Variants in SEMA5B observed in about 807,000 individuals in gnomAD.
SEMA5B encodes semaphorin-5B.
In SEMA5B, 66 loss-of-function variants were observed where a neutral mutation model predicts 135.0. That is an observed-to-expected ratio of 0.49 (90% CI 0.40 to 0.60). The LOEUF (loss-of-function observed/expected upper bound fraction) is 0.60, where lower values mean the gene tolerates loss of function less well. Ranked by LOEUF, SEMA5B falls within the 20% of genes least tolerant of loss-of-function variation. The probability of loss-of-function intolerance (pLI) is 0.00; values close to 1 mark genes in which losing one functional copy is unlikely to be tolerated. For missense variants in SEMA5B, 1,501 were observed against 1,566.3 expected (o/e 0.96, Z 0.70); for synonymous variants, 690 against 639.5 (o/e 1.08, Z -1.19).
Position 122,915,456 on chromosome 3 carries a change from T to C in SEMA5B, c.1972A>G (p.Ile658Val), listed in dbSNP as rs994280278. 1.2e-6 allele frequency: 2 copies of C among 1,611,628 alleles called. No homozygotes were observed. The highest frequency in any genetic ancestry group is 1.3e-5 in the African/African-American group (1 of 74,882). ...GLDCLGPAIH[I>V]ANCSRNGAWT... ...CTCACATACCTGGAGCAGTTGGCGA[T>C]GTGGATGGCTGGCCCCAGGCAGTCA... Residue 658 changes from isoleucine (I) to valine (V), a missense_variant, in exon 14 of 23, where the codon ATC becomes GTC. By Grantham distance (29) the Ile-to-Val change is conservative (BLOSUM62 3). Coordinates refer to ENST00000357599, the MANE Select transcript of SEMA5B (RefSeq NM_001031702.4).
chr3:123,021,692 A>G lies in SEMA5B; in HGVS notation c.-39+5772T>C, dbSNP rs185187695. Among the ~76,000 whole-genome samples the G allele has an allele frequency of 5.5e-3, 837 of 152,364 alleles. 3 individuals carry two copies. Among genetic ancestry groups the G allele is most frequent in the Non-Finnish European group, 7.6e-3 (514 of 68,038 alleles). ...AGCCATTTCCCTAAAGTTGCCTCCC[A>G]GGGCGGGCTTACATCAGCTCTGGCA... On this transcript the variant is annotated intron_variant, in intron 1 of 22. Transcript: ENST00000357599.
intron 1 of SEMA5B, among the ~76,000 whole-genome samples, chr3:123,004,685 C>A (rs571832562): frequency 2.0e-5 from 3 of 152,242 alleles, no homozygotes; most frequent in South Asian, 2.1e-4. Context: ...TATAACATAC[C>A]CAGGCAACAA....
chr3:122,969,046 A>G lies in SEMA5B; in HGVS notation c.-38-7745T>C, dbSNP rs189023747. Reference sequence around the variant, plus strand: ...TCTGTGCTCGAATAATTTTAATTATATCTAAGCTTTCTCCTGTTCTTTTTT... The same window carrying G: ...TCTGTGCTCGAATAATTTTAATTATGTCTAAGCTTTCTCCTGTTCTTTTTT... On this transcript the variant is annotated intron_variant, in intron 1 of 22. Coordinates refer to ENST00000357599, the MANE Select transcript of SEMA5B (RefSeq NM_001031702.4). Among the ~76,000 whole-genome samples, 6 of 152,362 alleles carry G rather than the reference A, an allele frequency of 3.9e-5. No individual in the cohort carries two copies. In the East Asian group the frequency reaches 9.6e-4, roughly 24 times the overall value.
rs117082884 is a variant in SEMA5B, at chr3:122,981,028, G to A, written c.-38-19727C>T. Among the ~76,000 whole-genome samples, 76 of 152,284 alleles carry A rather than the reference G, an allele frequency of 5.0e-4. 2 individuals carry two copies. In the East Asian group the frequency reaches 0.013, roughly 26 times the overall value. ...AAAGCACGTCACCAGGTAGCACTTC[G>A]GGGACATGGCAAAGAAAGAATGGAC... On this transcript the variant is annotated intron_variant, in intron 1 of 22. Coordinates refer to ENST00000357599, the MANE Select transcript of SEMA5B (RefSeq NM_001031702.4).
At chr3:122,996,199 C>T (rs1032650865) in intron 1 of SEMA5B, among the ~76,000 whole-genome samples, 2 of 152,262 alleles carry the variant, frequency 1.3e-5, no homozygotes, top group African/African-American at 2.4e-5. Context: ...TCAGCATCTA[C>T]TGGGGTTGCA....
chr3:122,984,347 T>C (rs1053782223), intron 1 of SEMA5B, among the ~76,000 whole-genome samples: 1 of 152,222 alleles, frequency 6.6e-6, no homozygotes, highest in African/African-American at 2.4e-5. Context: ...CCACTAACCC[T>C]ATCACTCCCA....
At chr3:122,951,306 T>C (rs1314407024) in intron 2 of SEMA5B, among the ~76,000 whole-genome samples, 1 of 152,202 alleles carries the variant, frequency 6.6e-6, no homozygotes, top group Non-Finnish European at 1.5e-5. Context: ...TGATATACAC[T>C]AGAAAAATAA....
At chr3:123,002,231 T>A (rs1942195703) in intron 1 of SEMA5B, among the ~76,000 whole-genome samples, 1 of 152,120 alleles carries the variant, frequency 6.6e-6, no homozygotes, top group African/African-American at 2.4e-5. Context: ...TGGACAGGCA[T>A]CACGGATGGG....
chr3:122,972,246 A>G (rs1463898825), intron 1 of SEMA5B, among the ~76,000 whole-genome samples: 1 of 152,250 alleles, frequency 6.6e-6, no homozygotes, highest in African/African-American at 2.4e-5. Flanking sequence ...CTTTTCCAGG[A>G]AAGTAGCAGA....
At chr3:122,977,218 T>A (rs1941359618) in intron 1 of SEMA5B, among the ~76,000 whole-genome samples, 1 of 152,162 alleles carries the variant, frequency 6.6e-6, no homozygotes, top group Non-Finnish European at 1.5e-5. Flanking sequence ...TTGAATGAGA[T>A]CACATTTGAG....
chr3:123,022,007 C>A (rs951014759), intron 1 of SEMA5B, among the ~76,000 whole-genome samples: 2 of 151,034 alleles, frequency 1.3e-5, no homozygotes, highest in Non-Finnish European at 3.0e-5. Context: ...ACATTCCCCA[C>A]AAAGAATCCA....
At chr3:123,024,063 AG>A (rs753435869) in intron 1 of SEMA5B, among the ~76,000 whole-genome samples, 1 of 152,228 alleles carries the variant, frequency 6.6e-6, no homozygotes, top group Non-Finnish European at 1.5e-5. Flanking sequence ...ACTTCTAATC[AG>A]GGATCTTGTC....
chr3:123,006,252 C>T (rs1326284907), intron 1 of SEMA5B, among the ~76,000 whole-genome samples: 2 of 151,938 alleles, frequency 1.3e-5, no homozygotes, highest in Non-Finnish European at 2.9e-5. Flanking sequence ...AATGAGGGGA[C>T]GACAGAGCAG....
intron 2 of SEMA5B, among the ~76,000 whole-genome samples, chr3:122,960,162 CCAGCACCAATT>C (rs1285555145): frequency 6.6e-6 from 1 of 152,206 alleles, no homozygotes; most frequent in African/African-American, 2.4e-5. Flanking sequence ...CTTGGGATTT[CCAGCACCAATT>C]CAGTTGCTCA....
intron 14 of SEMA5B, 101 bp from the exon 15 acceptor site, chr3:122,914,102 A>C: frequency 2.3e-6 from 3 of 1,282,412 alleles, no homozygotes; most frequent in Non-Finnish European, 3.1e-6. Flanking sequence ...GCTGTCAGAA[A>C]GGGCTGGACA....
intron 2 of SEMA5B, among the ~76,000 whole-genome samples, chr3:122,955,002 G>C (rs1245672802): frequency 6.7e-6 from 1 of 150,098 alleles, no homozygotes; most frequent in Non-Finnish European, 1.5e-5. Context: ...AGAGTCCACT[G>C]TGTTGCCCTG....
intron 1 of SEMA5B, among the ~76,000 whole-genome samples, chr3:122,979,616 A>G (rs1470398): frequency 0.2 from 30,975 of 152,138 alleles, 4,152 homozygotes; most frequent in African/African-American, 0.38. Context: ...CACAATTGGG[A>G]TGTCCCCCCA....
intron 1 of SEMA5B, among the ~76,000 whole-genome samples, chr3:122,968,033 C>G (rs1204251878): frequency 6.6e-6 from 1 of 152,246 alleles, no homozygotes; most frequent in Non-Finnish European, 1.5e-5. Flanking sequence ...CCTGACCTCC[C>G]CGGCTACCAC....
At chr3:122,987,368 G>A (rs898317642) in intron 1 of SEMA5B, among the ~76,000 whole-genome samples, 2 of 152,200 alleles carry the variant, frequency 1.3e-5, no homozygotes, top group African/African-American at 4.8e-5. Context: ...TTTACATGCT[G>A]TTTTTGAATG....
Sources: allele counts gnomAD v4.1 joint callset (sites outside exome capture counted in the v4.1 genomes callset), GRCh38; gene constraint gnomAD v4.1.1; transcripts MANE v1.5; gene names NCBI Gene and HGNC (gene_info 2026-07-23, HGNC 2026-07-21).